Variants in MAP4 observed in about 807,000 individuals in gnomAD.
MAP4 encodes microtubule associated protein 4.
A neutral mutation model predicts 170.2 loss-of-function variants in MAP4; 76 were observed. That is an observed-to-expected ratio of 0.45 (90% CI 0.37 to 0.54). MAP4 has a LOEUF of 0.54. Among genes scored for constraint, MAP4 ranks in the 20% least tolerant of loss-of-function variants. The pLI is 0.00. For synonymous variants in MAP4, 909 were observed against 994.5 expected (o/e 0.91, Z 1.62); for missense variants, 2,506 against 2,748.0 (o/e 0.91, Z 1.97).
chr3:47,939,338 CAT>C (rs958515618), intron 3 of MAP4, among the ~76,000 whole-genome samples: 1 of 152,106 alleles, frequency 6.6e-6, no homozygotes. Context: ...CATTATTTTA[CAT>C]GTTAGTAAGT....
chr3:47,941,836 C>G (rs192326841), intron 3 of MAP4, among the ~76,000 whole-genome samples: 100 of 151,276 alleles, frequency 6.6e-4, no homozygotes, highest in Non-Finnish European at 1.2e-3. Flanking sequence ...TTACTAATCT[C>G]CTTCATTTTT....
chr3:47,885,199 T>C (rs1405981578), intron 10 of MAP4, among the ~76,000 whole-genome samples: 1 of 152,112 alleles, frequency 6.6e-6, no homozygotes, highest in Non-Finnish European at 1.5e-5. Flanking sequence ...GTTACAGGCC[T>C]CTCCAGTGCC....
intron 3 of MAP4, among the ~76,000 whole-genome samples, chr3:47,955,408 T>C (rs2100067109): frequency 7.0e-6 from 1 of 143,288 alleles, no homozygotes. Flanking sequence ...TCGCGTGACA[T>C]TCCAAAAAAA....
intron 1 of MAP4, among the ~76,000 whole-genome samples, chr3:48,005,728 G>A (rs908128429): frequency 3.3e-5 from 5 of 152,170 alleles, no homozygotes; most frequent in Non-Finnish European, 7.3e-5. Context: ...AGCTGGGAGG[G>A]TCCAGAAGAT....
Position 47,852,654 on chromosome 3 carries a change from G to A in MAP4, c.*280C>T. 1.6e-6 allele frequency: 2 copies of A among 1,248,018 alleles called. No homozygotes were observed. The highest frequency in any genetic ancestry group is 3.0e-5 in the South Asian group (2 of 65,962). 77.3% of individuals were successfully genotyped at this position (1,248,018 alleles called of 1,614,324 possible). A position where few individuals can be genotyped will look rare whatever the true frequency, so the allele number is the denominator to read the frequency against. On this transcript the variant is annotated 3_prime_UTR_variant, in exon 21 of 21. Transcript: ENST00000683076. ...GAGCAGTGGCGCAGTGATGGGGCAAGACCAAAGCAGGGAGATGGGCCCAGG... is the reference window on the plus strand; with the variant it reads ...GAGCAGTGGCGCAGTGATGGGGCAAAACCAAAGCAGGGAGATGGGCCCAGG...
chr3:47,999,845 T>TAA (rs10707358), intron 1 of MAP4, among the ~76,000 whole-genome samples: 1 of 147,926 alleles, frequency 6.8e-6, no homozygotes. Flanking sequence ...AAATAAAGTT[T>TAA]AAAAAAAAAA....
intron 10 of MAP4, among the ~76,000 whole-genome samples, chr3:47,902,340 G>A (rs1376303719): frequency 1.3e-5 from 2 of 151,970 alleles, no homozygotes; most frequent in African/African-American, 4.8e-5. Context: ...ATTTTTAGTT[G>A]TGTGACTAGT....
chr3:47,907,109 A>G (rs1039589622), intron 9 of MAP4, among the ~76,000 whole-genome samples: 15 of 152,200 alleles, frequency 9.9e-5, no homozygotes, highest in Non-Finnish European at 1.9e-4. Context: ...TGCTGGGATT[A>G]TAGGTGTGAG....
intron 3 of MAP4, chr3:47,975,278 A>G (rs1578612580): frequency 2.8e-5 from 41 of 1,464,412 alleles, no homozygotes; most frequent in Non-Finnish European, 3.4e-5. Flanking sequence ...AAGAGGAAGC[A>G]GGTTGTTTGC....
In MAP4 at chr3:47,927,459, T is replaced by TTTTG. The variant is rs555223887; in HGVS notation, c.415+765_415+768dup. 9.5e-3 allele frequency among the ~76,000 whole-genome samples: 1,444 copies of TTTTG among 152,042 alleles called. 12 individuals are homozygous for TTTTG. The highest frequency in any genetic ancestry group is 0.014 in the Non-Finnish European group (938 of 67,974). On this transcript the variant is annotated intron_variant, in intron 4 of 20. Transcript: ENST00000683076. ...TAGCTCTGGGCTACTACAGATAGGC[T>TTTTG]TTTGTTTGTTTGTTTGTTTGTTTGT... is the stretch of plus-strand genomic sequence containing the variant.
intron 3 of MAP4, chr3:47,974,360 G>C: frequency 1.7e-6 from 1 of 578,108 alleles, no homozygotes; most frequent in Non-Finnish European, 2.2e-6. Flanking sequence ...GGGAGGCAGA[G>C]GGTGCAGTAA....
intron 5 of MAP4, among the ~76,000 whole-genome samples, chr3:47,919,429 T>C (rs1427963319): frequency 6.6e-6 from 1 of 152,098 alleles, no homozygotes; most frequent in African/African-American, 2.4e-5. Context: ...TGCCTCAGCC[T>C]CTCAAGTAGC....
chr3:47,909,473 C>G lies in MAP4; in HGVS notation c.4948G>C (p.Asp1650His). The change falls in exon 9 of 21, where the codon GAT (aspartate) becomes CAT (histidine). Residue 1650 changes from aspartate to histidine, a missense_variant. Transcript: ENST00000683076. The part of the protein sequence containing the change: ...NAQDRNSKGS[D>H]SLNKKVDLTL... ...AGATCTACCTTCTTATTCAAACTAT[C>G]TGAACCTTTGGAATTTCTATCTTGA... The G allele has an allele frequency of 6.2e-7, 1 of 1,613,890 alleles. No individual in the cohort carries two copies. Among genetic ancestry groups the G allele is most frequent in the Non-Finnish European group, 8.5e-7 (1 of 1,179,890 alleles).
At chr3:47,992,011 CAGT>C (rs1408197041) in intron 2 of MAP4, among the ~76,000 whole-genome samples, 1 of 151,724 alleles carries the variant, frequency 6.6e-6, no homozygotes. Context: ...CAGCAATCAG[CAGT>C]AGTTTACTGA....
chr3:47,946,808 A>G (rs2100060326), intron 3 of MAP4, among the ~76,000 whole-genome samples: 2 of 152,232 alleles, frequency 1.3e-5, no homozygotes, highest in African/African-American at 4.8e-5. Context: ...CCCTATTTCT[A>G]TTTTCACATT....
At chr3:47,974,920 A>G in intron 3 of MAP4, 4 of 985,592 alleles carry the variant, frequency 4.1e-6, no homozygotes, top group Non-Finnish European at 4.8e-6. Context: ...GGTAGCCTGT[A>G]AGATTAACCT....
chr3:47,983,065 C>G (rs945075872), intron 2 of MAP4, among the ~76,000 whole-genome samples: 8 of 152,158 alleles, frequency 5.3e-5, no homozygotes, highest in African/African-American at 1.9e-4. Context: ...CCACCACTCT[C>G]AGCTAATTTT....
intron 1 of MAP4, among the ~76,000 whole-genome samples, chr3:48,035,252 G>T (rs570797613): frequency 6.8e-6 from 1 of 146,918 alleles, no homozygotes; most frequent in East Asian, 2.0e-4. Context: ...CAAGTCTTCA[G>T]TGGGAGATGC....
At chr3:48,046,951 G>A (rs973337163) in intron 1 of MAP4, among the ~76,000 whole-genome samples, 18 of 151,982 alleles carry the variant, frequency 1.2e-4, no homozygotes, top group African/African-American at 1.9e-4. Flanking sequence ...AAAATGAGCC[G>A]GGCGTGGTGG....
Sources: gnomAD v4.1 joint callset for allele counts (sites outside exome capture counted in the v4.1 genomes callset) on GRCh38, gnomAD v4.1.1 for gene constraint, MANE v1.5 for transcripts, NCBI Gene and HGNC (gene_info 2026-07-23, HGNC 2026-07-21) for gene names.